SPOCK1: variants seen among roughly 807,000 people sequenced by gnomAD.
SPOCK1 encodes the protein testican-1.
Under a neutral mutation model 55.3 loss-of-function variants are expected in SPOCK1, and 23 were observed. That is an observed-to-expected ratio of 0.42 (90% CI 0.30 to 0.59). The LOEUF (loss-of-function observed/expected upper bound fraction) is 0.59, where lower values mean the gene tolerates loss of function less well. Among genes scored for constraint, SPOCK1 ranks in the 20% least tolerant of loss-of-function variants. The probability of loss-of-function intolerance (pLI) is 0.22; values close to 1 mark genes in which losing one functional copy is unlikely to be tolerated. For synonymous variants in SPOCK1, 226 were observed against 221.0 expected, an observed-to-expected ratio of 1.02 and a Z score of -0.20; for missense variants, 499 against 552.5, an observed-to-expected ratio of 0.90 and a Z score of 0.97.
chr5:137,485,832 C>T (rs1314613803), intron 2 of SPOCK1, among the ~76,000 whole-genome samples: 1 of 152,122 alleles, frequency 6.6e-6, no homozygotes, highest in Non-Finnish European at 1.5e-5. Context: ...GGGCAAAACA[C>T]ACCTATGGTG....
intron 3 of SPOCK1, among the ~76,000 whole-genome samples, chr5:137,199,589 T>C (rs1304083079): frequency 6.6e-6 from 1 of 152,154 alleles, no homozygotes; most frequent in Non-Finnish European, 1.5e-5. Flanking sequence ...AACATTTATT[T>C]TGCTTCTAGG....
intron 4 of SPOCK1, among the ~76,000 whole-genome samples, chr5:137,136,939 AAGG>A (rs1378400979): frequency 6.6e-6 from 1 of 152,202 alleles, no homozygotes; most frequent in Non-Finnish European, 1.5e-5. Flanking sequence ...CACCCTAATC[AAGG>A]AGAAGAATTC....
intron 3 of SPOCK1, among the ~76,000 whole-genome samples, chr5:137,192,499 C>T (rs1030794910): frequency 1.8e-4 from 27 of 152,080 alleles, no homozygotes; most frequent in Non-Finnish European, 3.8e-4. Flanking sequence ...AAGGATTTTT[C>T]CCACTCCTGA....
intron 5 of SPOCK1, among the ~76,000 whole-genome samples, chr5:137,110,644 T>A (rs1386268786): frequency 6.6e-6 from 1 of 152,170 alleles, no homozygotes; most frequent in Non-Finnish European, 1.5e-5. Flanking sequence ...GTGGGTTTAG[T>A]TGAGCTGAGA....
At chr5:137,056,043 G>C (rs576045146) in intron 6 of SPOCK1, among the ~76,000 whole-genome samples, 2 of 152,312 alleles carry the variant, frequency 1.3e-5, no homozygotes, top group African/African-American at 2.4e-5. Context: ...CTGGAAAACA[G>C]TAAGACCCTA....
chr5:137,457,439 C>T (rs550428742), intron 2 of SPOCK1, among the ~76,000 whole-genome samples: 2 of 152,214 alleles, frequency 1.3e-5, no homozygotes, highest in Admixed American at 6.5e-5. Context: ...CGTCACTTTT[C>T]GAGATTTTTG....
chr5:137,443,762 A>T (rs1234619067), intron 2 of SPOCK1, among the ~76,000 whole-genome samples: 1 of 152,088 alleles, frequency 6.6e-6, no homozygotes, highest in Non-Finnish European at 1.5e-5. Flanking sequence ...ACCCCGTTGT[A>T]TTACCACTGC....
chr5:137,080,845 G>A (rs947769871), intron 5 of SPOCK1, among the ~76,000 whole-genome samples: 2 of 152,170 alleles, frequency 1.3e-5, no homozygotes, highest in Admixed American at 6.5e-5. Context: ...CAGAAGGCAC[G>A]GGTGAGATGA....
At chr5:137,389,997 G>A (rs538019522) in intron 2 of SPOCK1, among the ~76,000 whole-genome samples, 2 of 152,260 alleles carry the variant, frequency 1.3e-5, no homozygotes, top group East Asian at 3.9e-4. Flanking sequence ...GTATGTGGGT[G>A]AGGGAGGATC....
Position 137,317,730 on chromosome 5 carries a change from T to A in SPOCK1, c.187-50675A>T, listed in dbSNP as rs556176052. 2.5e-4 allele frequency among the ~76,000 whole-genome samples: 38 copies of A among 152,314 alleles called. 1 individual carries two copies. In the South Asian group the frequency reaches 4.6e-3, roughly 18 times the overall value. On this transcript the variant is annotated intron_variant, in intron 2 of 10. Transcript: ENST00000394945. ...AATAAAACATTACTGCAAGGCCACC[T>A]CCTTCCTCCAGAATGTGAAGCATTC...
chr5:137,234,728 A>G (rs1561479736), intron 3 of SPOCK1, among the ~76,000 whole-genome samples: 1 of 152,258 alleles, frequency 6.6e-6, no homozygotes, highest in East Asian at 1.9e-4. Flanking sequence ...CTTGCCTCCA[A>G]AGAAGAGTAG....
intron 2 of SPOCK1, among the ~76,000 whole-genome samples, chr5:137,427,436 G>A (rs1324846680): frequency 6.6e-6 from 1 of 152,132 alleles, no homozygotes; most frequent in African/African-American, 2.4e-5. Context: ...GCCAGGGTTA[G>A]GAAGAAGCCA....
intron 2 of SPOCK1, among the ~76,000 whole-genome samples, chr5:137,379,672 A>C (rs964571273): frequency 2.0e-5 from 3 of 152,198 alleles, no homozygotes; most frequent in Non-Finnish European, 4.4e-5. Flanking sequence ...TCTTTGACTT[A>C]ACAGCCATAA....
At chr5:137,076,044 C>T (rs147741672) in intron 5 of SPOCK1, among the ~76,000 whole-genome samples, 53 of 152,310 alleles carry the variant, frequency 3.5e-4, no homozygotes, top group Non-Finnish European at 6.8e-4. Context: ...ATGGCTGGCC[C>T]CATGGAGGGA....
intron 6 of SPOCK1, among the ~76,000 whole-genome samples, chr5:137,021,685 A>T (rs1751576597): frequency 6.6e-6 from 1 of 152,210 alleles, no homozygotes; most frequent in Non-Finnish European, 1.5e-5. Context: ...TGCGAACTAG[A>T]AAACTCCAAA....
At chr5:137,112,402 T>C (rs199830579) in intron 5 of SPOCK1, 33 bp downstream of exon 5, 4 of 1,606,830 alleles carry the variant, frequency 2.5e-6, no homozygotes, top group Non-Finnish European at 3.4e-6. Context: ...ACATGAAGTA[T>C]TTTTGATAAC....
At chr5:137,055,884 G>A (rs115883364) in intron 6 of SPOCK1, among the ~76,000 whole-genome samples, 17 of 152,112 alleles carry the variant, frequency 1.1e-4, no homozygotes, top group African/African-American at 2.4e-4. Context: ...GCCTGAGGTC[G>A]TGCCCCAGAA....
intron 3 of SPOCK1, among the ~76,000 whole-genome samples, chr5:137,191,156 T>G (rs1206552117): frequency 1.3e-5 from 2 of 152,224 alleles, no homozygotes; most frequent in Non-Finnish European, 2.9e-5. Context: ...AGATTCTAAC[T>G]CTTCTTGGCT....
chr5:137,282,805 G>T (rs1280247699), intron 2 of SPOCK1, among the ~76,000 whole-genome samples: 1 of 152,176 alleles, frequency 6.6e-6, no homozygotes, highest in African/African-American at 2.4e-5. Flanking sequence ...GCCAGACCAG[G>T]CACCAAAGGA....
Sources: gnomAD v4.1 joint callset for allele counts (sites outside exome capture counted in the v4.1 genomes callset) on GRCh38, gnomAD v4.1.1 for gene constraint, MANE v1.5 for transcripts, NCBI Gene and HGNC (gene_info 2026-07-23, HGNC 2026-07-21) for gene names.